Variants in DNM3 observed in about 807,000 individuals in gnomAD.
DNM3 encodes the protein dynamin 3.
In DNM3, 47 loss-of-function variants were observed where a neutral mutation model predicts 101.6. The observed-to-expected ratio is 0.46, with a 90% CI of 0.37 to 0.59. The LOEUF (loss-of-function observed/expected upper bound fraction) is 0.59, where lower values mean the gene tolerates loss of function less well. Among genes scored for constraint, DNM3 ranks in the 20% least tolerant of loss-of-function variants. DNM3 has a pLI of 0.00. For synonymous variants in DNM3, 385 were observed against 387.9 expected (o/e 0.99, Z 0.09); for missense variants, 849 against 1,085.7 (o/e 0.78, Z 3.06).
At chr1:171,909,280 A>C (rs2039089080) in intron 1 of DNM3, among the ~76,000 whole-genome samples, 1 of 152,040 alleles carries the variant, frequency 6.6e-6, no homozygotes, top group Non-Finnish European at 1.5e-5. Context: ...TAAAAATACA[A>C]AAATTAGCCA....
chr1:171,993,061 A>G (rs1266675020), intron 4 of DNM3, among the ~76,000 whole-genome samples: 2 of 152,092 alleles, frequency 1.3e-5, no homozygotes, highest in East Asian at 1.9e-4. Context: ...TTACATGCCT[A>G]TCAACACAGA....
At chr1:172,169,846 A>T (rs144176805) in intron 14 of DNM3, among the ~76,000 whole-genome samples, 4 of 152,022 alleles carry the variant, frequency 2.6e-5, no homozygotes, top group Non-Finnish European at 5.9e-5. Flanking sequence ...GTGATATTTA[A>T]ATGAACTATC....
chr1:172,089,309 C>T (rs1344198586), intron 12 of DNM3, among the ~76,000 whole-genome samples: 2 of 152,094 alleles, frequency 1.3e-5, no homozygotes, highest in South Asian at 2.1e-4. Flanking sequence ...GAGTTCGTGC[C>T]CTATAGTTTT....
intron 2 of DNM3, among the ~76,000 whole-genome samples, chr1:171,922,451 C>T (rs1027909228): frequency 2.6e-5 from 4 of 151,770 alleles, no homozygotes; most frequent in Admixed American, 6.6e-5. Context: ...ACTAGTTTTC[C>T]TATCAATTTC....
intron 18 of DNM3, chr1:172,386,636 C>T (rs61330781): frequency 0.082 from 12,593 of 154,490 alleles, 580 homozygotes; most frequent in South Asian, 0.14. Context: ...ACTTTTGAGA[C>T]GACACTGAAA....
At chr1:172,001,588 T>C (rs2046363150) in intron 4 of DNM3, among the ~76,000 whole-genome samples, 1 of 151,994 alleles carries the variant, frequency 6.6e-6, no homozygotes, top group Non-Finnish European at 1.5e-5. Flanking sequence ...TGGAAATCCC[T>C]TTCACGGTGA....
intron 17 of DNM3, among the ~76,000 whole-genome samples, chr1:172,344,062 G>A (rs1356420332): frequency 1.3e-5 from 2 of 152,102 alleles, no homozygotes; most frequent in East Asian, 1.9e-4. Context: ...AAATGATCAC[G>A]TCTACAGCCA....
chr1:172,163,536 C>G (rs2058629455), intron 14 of DNM3, among the ~76,000 whole-genome samples: 1 of 151,992 alleles, frequency 6.6e-6, no homozygotes, highest in African/African-American at 2.4e-5. Context: ...CTGTGCCTGG[C>G]CAATATTCTT....
chr1:172,290,646 A>G (rs938864143), intron 15 of DNM3, among the ~76,000 whole-genome samples: 8 of 152,190 alleles, frequency 5.3e-5, no homozygotes, highest in African/African-American at 1.9e-4. Flanking sequence ...GTGGAGCAAG[A>G]AAACCATCAA....
At chr1:172,115,802 C>T (rs1192921696) in intron 13 of DNM3, among the ~76,000 whole-genome samples, 1 of 152,188 alleles carries the variant, frequency 6.6e-6, no homozygotes, top group African/African-American at 2.4e-5. Flanking sequence ...ATCATTTTCT[C>T]TCCAACATAA....
intron 4 of DNM3, among the ~76,000 whole-genome samples, chr1:172,026,604 T>A (rs2048221726): frequency 6.6e-6 from 1 of 150,774 alleles, no homozygotes; most frequent in African/African-American, 2.4e-5. Flanking sequence ...TAACAGCAGA[T>A]CTCTCTACAG....
intron 15 of DNM3, among the ~76,000 whole-genome samples, chr1:172,258,743 C>T (rs1433946572): frequency 2.0e-5 from 3 of 151,876 alleles, no homozygotes; most frequent in African/African-American, 7.2e-5. Flanking sequence ...ATCTCCATTT[C>T]ATTTAGTTCC....
intron 14 of DNM3, among the ~76,000 whole-genome samples, chr1:172,232,631 G>A (rs2061382598): frequency 1.3e-5 from 2 of 152,154 alleles, no homozygotes; most frequent in South Asian, 4.1e-4. Flanking sequence ...CGACCACATA[G>A]TTGGAAATAA....
In DNM3 at chr1:171,989,094, A is replaced by G; in HGVS notation, c.535A>G (p.Thr179Ala). 1.2e-6 allele frequency: 2 copies of G among 1,613,212 alleles called. No individual in the cohort carries two copies. Among genetic ancestry groups the G allele is most frequent in the African/African-American group, 1.3e-5 (1 of 75,046 alleles). ...GATTTTAGCTGTTACTCCAGCCAAC[A>G]CTGATCTTGCAAACTCAGATGCGCT... Reference protein sequence around the residue: ...CLILAVTPANTDLANSDALKL... With the variant: ...CLILAVTPANADLANSDALKL... The change falls in exon 4 of 21, where the codon ACT becomes GCT. Residue 179 changes from threonine to alanine, a missense_variant. Coordinates refer to ENST00000627582, the MANE Select transcript of DNM3 (RefSeq NM_015569.5).
intron 14 of DNM3, among the ~76,000 whole-genome samples, chr1:172,198,996 A>C (rs1233329505): frequency 1.3e-5 from 2 of 151,690 alleles, no homozygotes; most frequent in Non-Finnish European, 2.9e-5. Flanking sequence ...TCAGTTGTAA[A>C]TTCAGGTTGT....
chr1:172,296,864 C>T (rs750638978), intron 15 of DNM3, among the ~76,000 whole-genome samples: 18 of 152,096 alleles, frequency 1.2e-4, no homozygotes, highest in Non-Finnish European at 5.9e-5. Context: ...GCATCTTGGC[C>T]GGGCACAGTG....
chr1:172,032,022 T>C (rs1428860460), intron 4 of DNM3, among the ~76,000 whole-genome samples: 1 of 152,184 alleles, frequency 6.6e-6, no homozygotes, highest in East Asian at 1.9e-4. Context: ...TATTTGTTTA[T>C]TTGCTTTTAA....
chr1:172,340,409 T>C (rs2066633244), intron 17 of DNM3, among the ~76,000 whole-genome samples: 2 of 152,206 alleles, frequency 1.3e-5, no homozygotes, highest in Non-Finnish European at 2.9e-5. Flanking sequence ...GCATAGCTGG[T>C]CCTAACTTCA....
At chr1:172,400,054 A>G (rs2070349941) in intron 20 of DNM3, 1 of 152,230 alleles carries the variant, frequency 6.6e-6, no homozygotes, top group Non-Finnish European at 1.5e-5. Context: ...AGTCTTTTCT[A>G]TCTTCCCAAA....
Sources: gnomAD v4.1 joint callset for allele counts (sites outside exome capture counted in the v4.1 genomes callset) on GRCh38, gnomAD v4.1.1 for gene constraint, MANE v1.5 for transcripts, NCBI Gene and HGNC (gene_info 2026-07-23, HGNC 2026-07-21) for gene names.